The following ZKSCAN1 variants were observed in gnomAD, a reference collection of about 807,000 sequenced individuals.
The protein encoded by ZKSCAN1 is zinc finger with KRAB and SCAN domains 1.
ZKSCAN1 carries 14 observed loss-of-function variants against 51.6 expected under a neutral mutation model. That is an observed-to-expected ratio of 0.27 (90% confidence interval 0.18 to 0.42). The LOEUF (loss-of-function observed/expected upper bound fraction) is 0.42. Among genes scored for constraint, ZKSCAN1 ranks in the 10% least tolerant of loss-of-function variants. The pLI, the probability that ZKSCAN1 is intolerant of heterozygous loss-of-function variation, is 1.00. For missense variants in ZKSCAN1, 531 were observed against 710.0 expected, an observed-to-expected ratio of 0.75 and a Z score of 2.86; for synonymous variants, 263 against 261.5, an observed-to-expected ratio of 1.01 and a Z score of -0.06.
Position 100,037,736 on chromosome 7 carries a change from G to C in ZKSCAN1, c.*3539G>C, listed in dbSNP as rs1791422542. On this transcript the variant is annotated 3_prime_UTR_variant, in exon 6 of 6. Transcript: ENST00000324306. The stretch of plus-strand genomic sequence containing the variant: ...ACATTGCAAGAGGGAGCTCAATCTT[G>C]GCCGGGCGCCGTGGCTCACGCCTGT... 1 of 985,304 alleles carries C rather than the reference G, an allele frequency of 1.0e-6. No individual in the cohort carries two copies. Among genetic ancestry groups the C allele is most frequent in the Non-Finnish European group, 1.2e-6 (1 of 829,926 alleles). 61.0% of individuals were successfully genotyped at this position (985,304 alleles called of 1,614,324 possible).
intron 1 of ZKSCAN1, among the ~76,000 whole-genome samples, chr7:100,019,036 G>A (rs903167768): frequency 6.6e-6 from 1 of 152,188 alleles, no homozygotes; most frequent in African/African-American, 2.4e-5. Flanking sequence ...GGCTGGGCTC[G>A]CTATCACACT....
At chr7:100,024,501 G>A (rs1790732944) in intron 3 of ZKSCAN1, 194 bp downstream of exon 3, 1 of 685,754 alleles carries the variant, frequency 1.5e-6, no homozygotes. Context: ...GGCTGAGGTG[G>A]GAGGATTGCT....
In ZKSCAN1 at chr7:100,040,173, A is replaced by G. The variant is rs148231558; in HGVS notation, c.*5976A>G. 549 of 985,454 alleles carry G rather than the reference A, an allele frequency of 5.6e-4. 4 individuals carry two copies. In the African/African-American group the frequency reaches 8.8e-3, roughly 16 times the overall value. The allele number at this position is 985,454 out of a possible 1,614,324, so 61.0% of individuals were successfully genotyped here. The stretch of plus-strand genomic sequence containing the variant: ...CGAAAGTTTGGGAAATACTTTTGAC[A>G]TCCCACAATACAGAATGTCTTAACA... On this transcript the variant is annotated 3_prime_UTR_variant, in exon 6 of 6. Coordinates refer to ENST00000324306, the MANE Select transcript of ZKSCAN1 (RefSeq NM_003439.4).
rs765686439 is a variant in ZKSCAN1, at chr7:100,030,263, C to T, written c.687C>T (p.Ile229=). The T allele has an allele frequency of 8.1e-6, 13 of 1,613,950 alleles. No homozygotes were observed. In the East Asian group the frequency reaches 8.9e-5, roughly 11 times the overall value. Residue 229 remains isoleucine, a synonymous_variant, in exon 5 of 6, where the codon ATC becomes ATT. Coordinates refer to ENST00000324306, the MANE Select transcript of ZKSCAN1 (RefSeq NM_003439.4). ...TGTTATTTTAGGCAATGGTGAAGATCGAGGACATGGCTGTGTCCCTCATTC... is the reference window on the plus strand; with the variant it reads ...TGTTATTTTAGGCAATGGTGAAGATTGAGGACATGGCTGTGTCCCTCATTC... ...FTADSQAMVK[I]EDMAVSLILE...
At chr7:100,029,720 G>C (rs1791018797) in intron 3 of ZKSCAN1, 141 bp from the exon 4 acceptor site, 2 of 716,474 alleles carry the variant, frequency 2.8e-6, no homozygotes, top group East Asian at 2.8e-5. Flanking sequence ...TCTCTCGTTT[G>C]TGTTGTCTGG....
intron 3 of ZKSCAN1, among the ~76,000 whole-genome samples, chr7:100,028,465 G>GT (rs1562822970): frequency 6.6e-6 from 1 of 152,192 alleles, no homozygotes; most frequent in African/African-American, 2.4e-5. Flanking sequence ...AGTGAGACAT[G>GT]TTTGAGCACT....
chr7:100,031,479 T>TAGGCTG (rs1791104256), intron 5 of ZKSCAN1, among the ~76,000 whole-genome samples: 1 of 152,042 alleles, frequency 6.6e-6, no homozygotes, highest in Admixed American at 6.6e-5. Context: ...GGTTTCGCCA[T>TAGGCTG]GTTGCCTAGG....
intron 3 of ZKSCAN1, among the ~76,000 whole-genome samples, chr7:100,028,494 CAG>C (rs573140244): frequency 6.6e-6 from 1 of 152,114 alleles, no homozygotes; most frequent in Non-Finnish European, 1.5e-5. Context: ...ACCTGGGTGA[CAG>C]AGAGCCTATC....
Position 100,024,319 on chromosome 7 carries a change from G to A in ZKSCAN1, c.580+12G>A, listed in dbSNP as rs751697399. ...CTTACAGTCACGAGGTAAGAAGCAA[G>A]GTTTCATTTAGGGGAAGGGAAATGA... On this transcript the variant is annotated intron_variant, in intron 3 of 5. Coordinates refer to ENST00000324306, the MANE Select transcript of ZKSCAN1 (RefSeq NM_003439.4). 3.9e-5 allele frequency: 63 copies of A among 1,613,402 alleles called. No homozygotes were observed. The highest frequency in any genetic ancestry group is 5.2e-5 in the Non-Finnish European group (61 of 1,179,878).
At chr7:100,017,048 T>A (rs1790397963) in intron 1 of ZKSCAN1, 1 of 152,164 alleles carries the variant, frequency 6.6e-6, no homozygotes, top group Non-Finnish European at 1.5e-5. Context: ...CATTCTCGAT[T>A]TAAAAGCATT....
downstream of ZKSCAN1, among the ~76,000 whole-genome samples, chr7:100,045,366 T>C (rs2116019559): frequency 6.6e-6 from 1 of 151,316 alleles, no homozygotes; most frequent in African/African-American, 2.4e-5. Context: ...CCCAACATGG[T>C]GAAACCCCAT....
Position 100,029,894 on chromosome 7 carries a change from A to C in ZKSCAN1, c.614A>C (p.His205Pro), listed in dbSNP as rs1292329595. The C allele has an allele frequency of 1.9e-6, 3 of 1,614,044 alleles. No homozygotes were observed. The highest frequency in any genetic ancestry group is 2.5e-6 in the Non-Finnish European group (3 of 1,179,992). Reference sequence around the variant, plus strand: ...GCTGCCCACATTCCTGCACCCCCTCATGAGGGTAGTCCCAGAGACCAGGCG... The same window carrying C: ...GCTGCCCACATTCCTGCACCCCCTCCTGAGGGTAGTCCCAGAGACCAGGCG... ...LPAAHIPAPP[H>P]EGSPRDQAMA... Residue 205 changes from histidine to proline, a missense_variant, in exon 4 of 6, where the codon CAT becomes CCT. Physicochemically the swap from His to Pro is moderately conservative, Grantham distance 77. Transcript: ENST00000324306.
At position 100,034,701 on chromosome 7, in the gene ZKSCAN1, A is replaced by G. The variant is rs981267481; in HGVS notation, c.*504A>G. The stretch of plus-strand genomic sequence containing the variant: ...GCTGCTCAAGGTAGTTATATATACG[A>G]TAAGTTGTATATATGATCACTGGTA... On this transcript the variant is annotated 3_prime_UTR_variant, in exon 6 of 6. Transcript: ENST00000324306. 3.2e-6 allele frequency: 1 copy of G among 309,538 alleles called. No individual in the cohort carries two copies. The highest frequency in any genetic ancestry group is 4.7e-6 in the Non-Finnish European group (1 of 210,700). The allele number at this position is 309,538 out of a possible 1,614,324, so 19.2% of individuals were successfully genotyped here.
At chr7:100,043,413 T>C (rs1471117244), downstream of ZKSCAN1, among the ~76,000 whole-genome samples, 1 of 152,176 alleles carries the variant, frequency 6.6e-6, no homozygotes, top group Non-Finnish European at 1.5e-5. Context: ...CAAGTCTCGT[T>C]CTGTTGCTCA....
rs1489816737 is a variant in ZKSCAN1, at chr7:100,040,501, T to C, written c.*6304T>C. On this transcript the variant is annotated 3_prime_UTR_variant, in exon 6 of 6. Transcript: ENST00000324306. ...AAGATAGAGTGAGATCTGTGAGTGA[T>C]TGAAAGGTGATATTTAAAAACTTGG... 2.0e-6 allele frequency: 2 copies of C among 985,426 alleles called. No individual in the cohort carries two copies. Among genetic ancestry groups the C allele is most frequent in the Non-Finnish European group, 2.4e-6 (2 of 829,930 alleles). The allele number at this position is 985,426 out of a possible 1,614,324, so 61.0% of individuals were successfully genotyped here. A position where few individuals can be genotyped will look rare whatever the true frequency, so the allele number is the denominator to read the frequency against.
rs189011573 is a variant in ZKSCAN1, at chr7:100,035,860, C to T, written c.*1663C>T. On this transcript the variant is annotated 3_prime_UTR_variant, in exon 6 of 6. Coordinates refer to ENST00000324306, the MANE Select transcript of ZKSCAN1 (RefSeq NM_003439.4). The stretch of plus-strand genomic sequence containing the variant: ...TGTTTCACACACAGGAGATTGTGAG[C>T]TGTGTAAGTAGTCATCGCCACTCAA... 2.0e-6 allele frequency: 2 copies of T among 985,354 alleles called. No individual in the cohort carries two copies. The highest frequency in any genetic ancestry group is 2.4e-6 in the Non-Finnish European group (2 of 829,928). The allele number at this position is 985,354 out of a possible 1,614,324, so 61.0% of individuals were successfully genotyped here. A position where few individuals can be genotyped will look rare whatever the true frequency, so the allele number is the denominator to read the frequency against.
chr7:100,030,140 C>T lies in ZKSCAN1; in HGVS notation c.673-109C>T, dbSNP rs1791045221. ...CCCAGGTTCTGGCCACCCTTTTCTTCCCAGCGTCCTGTAGCTTTGCAGCCA... is the reference window on the plus strand; with the variant it reads ...CCCAGGTTCTGGCCACCCTTTTCTTTCCAGCGTCCTGTAGCTTTGCAGCCA... On this transcript the variant is annotated intron_variant, in intron 4 of 5. Transcript: ENST00000324306. 2.0e-6 allele frequency: 3 copies of T among 1,521,936 alleles called. No individual in the cohort carries two copies. The African/African-American group carries it at 4.1e-5, about 21-fold the overall frequency. 94.3% of individuals were successfully genotyped at this position (1,521,936 alleles called of 1,614,324 possible). A position where few individuals can be genotyped will look rare whatever the true frequency, so the allele number is the denominator to read the frequency against.
intron 5 of ZKSCAN1, among the ~76,000 whole-genome samples, chr7:100,032,791 G>A (rs576491587): frequency 6.6e-6 from 1 of 152,148 alleles, no homozygotes; most frequent in African/African-American, 2.4e-5. Context: ...GGTGGATCAC[G>A]AGGTCAGGAG....
At chr7:100,022,235 A>G (rs1304213461) in intron 1 of ZKSCAN1, among the ~76,000 whole-genome samples, 2 of 152,192 alleles carry the variant, frequency 1.3e-5, no homozygotes, top group African/African-American at 2.4e-5. Flanking sequence ...TTCTATTTTT[A>G]GTAGAGACAG....
Sources: gnomAD v4.1 joint callset for allele counts (sites outside exome capture counted in the v4.1 genomes callset) on GRCh38, gnomAD v4.1.1 for gene constraint, MANE v1.5 for transcripts, NCBI Gene and HGNC (gene_info 2026-07-23, HGNC 2026-07-21) for gene names.